Variants in RIMBP2 observed in about 807,000 individuals in gnomAD.
RIMBP2 encodes the protein RIMS-binding protein 2.
Under a neutral mutation model 118.6 loss-of-function variants are expected in RIMBP2, and 48 were observed. That is an observed-to-expected ratio of 0.40 (90% CI 0.32 to 0.51). The LOEUF is 0.51. RIMBP2 is among the 20% of genes least tolerant of loss of function. The pLI, the probability that RIMBP2 is intolerant of heterozygous loss-of-function variation, is 0.41. For synonymous variants in RIMBP2, 762 were observed against 742.9 expected, an observed-to-expected ratio of 1.03 and a Z score of -0.42; for missense variants, 1,551 against 1,768.3, an observed-to-expected ratio of 0.88 and a Z score of 2.20.
intron 2 of RIMBP2, among the ~76,000 whole-genome samples, chr12:130,522,689 C>A (rs999572202): frequency 2.0e-5 from 3 of 152,142 alleles, no homozygotes; most frequent in African/African-American, 7.2e-5. Context: ...CCCAGGGAGG[C>A]ACGGACTTCC....
In RIMBP2 at chr12:130,658,996, C is replaced by A. The variant is rs1016192914; in HGVS notation, c.-351-30540G>T. 2.2e-4 allele frequency among the ~76,000 whole-genome samples: 34 copies of A among 151,908 alleles called. 1 individual carries two copies. Among genetic ancestry groups the A allele is most frequent in the Non-Finnish European group, 4.6e-4 (31 of 67,986 alleles). The stretch of plus-strand genomic sequence containing the variant: ...ACCATGCCAACCTCCCTTCCTCCAC[C>A]ATGCCAGCCTCCCTCCCTCCACCAT... On this transcript the variant is annotated intron_variant, in intron 1 of 22. Transcript: ENST00000690449.
At chr12:130,539,159 G>C (rs774617147) in intron 2 of RIMBP2, among the ~76,000 whole-genome samples, 2 of 152,072 alleles carry the variant, frequency 1.3e-5, no homozygotes, top group Admixed American at 6.6e-5. Context: ...CTTTGGGGGA[G>C]AATATATACA....
intron 1 of RIMBP2, among the ~76,000 whole-genome samples, chr12:130,714,239 A>G (rs1950169408): frequency 6.6e-6 from 1 of 152,200 alleles, no homozygotes; most frequent in Non-Finnish European, 1.5e-5. Flanking sequence ...AGGCGCCAAC[A>G]GTGCATGGGG....
chr12:130,412,340 A>G (rs2075782046), intron 19 of RIMBP2, among the ~76,000 whole-genome samples: 1 of 152,178 alleles, frequency 6.6e-6, no homozygotes, highest in Non-Finnish European at 1.5e-5. Context: ...TAGATGCGAT[A>G]AATTGTTTGC....
At position 130,710,262 on chromosome 12, in the gene RIMBP2, T is replaced by A. The variant is rs1949812295; in HGVS notation, c.-352+5960A>T. 6.6e-6 allele frequency among the ~76,000 whole-genome samples: 1 copy of A among 151,848 alleles called. No individual in the cohort carries two copies. Among genetic ancestry groups the A allele is most frequent in the South Asian group, 2.1e-4 (1 of 4,794 alleles). ...CTGCACCTCTGGCTCCTTCTCAGGG[T>A]CCTGTCTCAGCTTCAACGCCACCTC... is the stretch of plus-strand genomic sequence containing the variant. On this transcript the variant is annotated intron_variant, in intron 1 of 22. Coordinates refer to ENST00000690449, the MANE Select transcript of RIMBP2 (RefSeq NM_001393629.1). The surrounding 1 kb of genome is among the most constrained non-coding windows in gnomAD (Gnocchi z 4.3).
At position 130,434,851 on chromosome 12, in the gene RIMBP2, T is replaced by C; in HGVS notation, c.2136A>G (p.Arg712=). Residue 712 remains arginine (R), a synonymous_variant, in exon 14 of 23, where the codon AGA becomes AGG. Coordinates refer to ENST00000690449, the MANE Select transcript of RIMBP2 (RefSeq NM_001393629.1). The surrounding 1 kb of genome is among the most constrained non-coding windows in gnomAD (Gnocchi z 5.7). ...AGGCGGCGTACTGCCCCGCGCTGCT[T>C]CTCTCTAGGAAGACGCTCCTTTTCT... ...RLEKRSVFLE[R]SSAGQYAASD... is the part of the protein sequence containing the mutation. The C allele has an allele frequency of 6.2e-7, 1 of 1,611,880 alleles. No individual in the cohort carries two copies. The highest frequency in any genetic ancestry group is 8.5e-7 in the Non-Finnish European group (1 of 1,179,132).
chr12:130,425,420 A>C, intron 15 of RIMBP2: 1 of 152,562 alleles, frequency 6.6e-6, no homozygotes, highest in Non-Finnish European at 1.5e-5. Flanking sequence ...CCTAAGATAC[A>C]AGCTGCGTGA....
At chr12:130,516,466 C>A (rs1291061863) in intron 3 of RIMBP2, among the ~76,000 whole-genome samples, 2 of 152,110 alleles carry the variant, frequency 1.3e-5, no homozygotes, top group African/African-American at 4.8e-5. Flanking sequence ...TAAGTGAAGA[C>A]CCGTGATAGA....
intron 17 of RIMBP2, chr12:130,421,164 C>T (rs1418847267): frequency 6.6e-6 from 1 of 152,152 alleles, no homozygotes; most frequent in Non-Finnish European, 1.5e-5. Context: ...GCTCCATAGT[C>T]CCTCCAGAGG....
At chr12:130,705,094 C>T (rs552734445) in intron 1 of RIMBP2, among the ~76,000 whole-genome samples, 154 of 152,292 alleles carry the variant, frequency 1.0e-3, no homozygotes, top group African/African-American at 3.1e-3. Flanking sequence ...CTGCCAGCAC[C>T]GGCTGCCTCT....
intron 16 of RIMBP2, among the ~76,000 whole-genome samples, chr12:130,423,826 C>A (rs752397719): frequency 5.3e-5 from 8 of 151,856 alleles, no homozygotes; most frequent in Non-Finnish European, 8.8e-5. Flanking sequence ...AACATGTTGC[C>A]AAACTTTCAG....
At chr12:130,421,724 T>TGTGTGTGTGTGTGTG (rs1566004674) in intron 17 of RIMBP2, among the ~76,000 whole-genome samples, 3 of 151,366 alleles carry the variant, frequency 2.0e-5, no homozygotes, top group Admixed American at 6.6e-5. Flanking sequence ...TGTGTGTGTG[T>TGTGTGTGTGTGTGTG]TTTCATAGAA....
chr12:130,632,570 T>C (rs1274017346), intron 1 of RIMBP2, among the ~76,000 whole-genome samples: 1 of 152,172 alleles, frequency 6.6e-6, no homozygotes, highest in East Asian at 1.9e-4. Context: ...CTGTTCTCTT[T>C]GCTCTGGGGC....
In RIMBP2 at chr12:130,699,514, T is replaced by C. The variant is rs1045885269; in HGVS notation, c.-352+16708A>G. Among the ~76,000 whole-genome samples, 7 of 130,244 alleles carry C rather than the reference T, an allele frequency of 5.4e-5. No homozygotes were observed. In the Admixed American group the frequency reaches 6.9e-4, roughly 13 times the overall value. The allele number at this position is 130,244 out of a possible 152,430, so 85.4% of individuals were successfully genotyped here. On this transcript the variant is annotated intron_variant, in intron 1 of 22. Transcript: ENST00000690449. Reference sequence around the variant, plus strand: ...AACGCCGCATGTTCTCACTCATAGGTGGGAACTGAACAATGAGAACACATG... The same window carrying C: ...AACGCCGCATGTTCTCACTCATAGGCGGGAACTGAACAATGAGAACACATG...
At chr12:130,405,350 G>C (rs1252580219) in intron 21 of RIMBP2, among the ~76,000 whole-genome samples, 1 of 152,212 alleles carries the variant, frequency 6.6e-6, no homozygotes, top group East Asian at 1.9e-4. Flanking sequence ...TGCGGCTGTA[G>C]CATGTTTGAC....
intron 17 of RIMBP2, among the ~76,000 whole-genome samples, chr12:130,415,923 A>G (rs2076072625): frequency 6.6e-6 from 1 of 152,108 alleles, no homozygotes. Flanking sequence ...GTTCAAGCTG[A>G]GAGCCAAATC....
At position 130,442,443 on chromosome 12, in the gene RIMBP2, G is replaced by A. The variant is rs1187857600; in HGVS notation, c.909C>T (p.Asp303=). The A allele has an allele frequency of 1.1e-5, 18 of 1,614,148 alleles. No homozygotes were observed. The highest frequency in any genetic ancestry group is 2.2e-5 in the East Asian group (1 of 44,878). The change falls in exon 11 of 23, where the codon GAC becomes GAT. Residue 303 remains aspartate (D), a synonymous_variant. Coordinates refer to ENST00000690449, the MANE Select transcript of RIMBP2 (RefSeq NM_001393629.1). The surrounding 1 kb of genome is among the most constrained non-coding windows in gnomAD (Gnocchi z 6.9). ...CTTCTCCGATGTCGTCGATGTTCAC[G>A]TCCAGGGTCCCGGCACTGTTGTCGG... is the stretch of plus-strand genomic sequence containing the variant. The part of the protein sequence containing the change: ...GITDNSAGTL[D]VNIDDIGEDI...
At chr12:130,454,015 T>C (rs1593359159) in intron 7 of RIMBP2, among the ~76,000 whole-genome samples, 1 of 152,052 alleles carries the variant, frequency 6.6e-6, no homozygotes. Context: ...GATCACACCA[T>C]TGCACTCCAG....
At chr12:130,545,685 G>A (rs2055065640) in intron 2 of RIMBP2, among the ~76,000 whole-genome samples, 1 of 152,122 alleles carries the variant, frequency 6.6e-6, no homozygotes, top group South Asian at 2.1e-4. Context: ...AGCCGCCGTC[G>A]AGTGTCACGT....
Sources: allele counts gnomAD v4.1 joint callset (sites outside exome capture counted in the v4.1 genomes callset), GRCh38; gene constraint gnomAD v4.1.1; non-coding constraint Gnocchi (gnomAD v3.1); transcripts MANE v1.5; gene names NCBI Gene and HGNC (gene_info 2026-07-23, HGNC 2026-07-21).